The following SLIT3 variants were observed in gnomAD, a reference collection of about 807,000 sequenced individuals.
SLIT3 encodes slit homolog 3 protein.
In SLIT3, 68 loss-of-function variants were observed where a neutral mutation model predicts 184.0. That is an observed-to-expected ratio of 0.37 (90% CI 0.30 to 0.45). The LOEUF is 0.45. Ranked by LOEUF, SLIT3 falls within the 20% of genes least tolerant of loss-of-function variation. The pLI is 1.00. For missense variants in SLIT3, 1,707 were observed against 2,026.0 expected, an observed-to-expected ratio of 0.84 and a Z score of 3.02; for synonymous variants, 831 against 828.6, an observed-to-expected ratio of 1.00 and a Z score of -0.05.
chr5:169,253,749 C>A (rs1430426390), intron 1 of SLIT3, among the ~76,000 whole-genome samples: 1 of 152,166 alleles, frequency 6.6e-6, no homozygotes, highest in East Asian at 1.9e-4. Context: ...GCCCCATACC[C>A]CAAACTTTGT....
At chr5:168,979,057 C>T (rs1754863020) in intron 4 of SLIT3, among the ~76,000 whole-genome samples, 1 of 152,176 alleles carries the variant, frequency 6.6e-6, no homozygotes, top group Admixed American at 6.5e-5. Flanking sequence ...ATTGTCCTTC[C>T]TTTGGTTTCA....
intron 4 of SLIT3, among the ~76,000 whole-genome samples, chr5:169,162,474 G>A (rs557815843): frequency 6.6e-6 from 1 of 152,336 alleles, no homozygotes; most frequent in South Asian, 2.1e-4. Flanking sequence ...ACACAGTCAT[G>A]CAGGTCTTTG....
chr5:169,103,791 G>A (rs892226609), intron 4 of SLIT3, among the ~76,000 whole-genome samples: 1 of 152,164 alleles, frequency 6.6e-6, no homozygotes, highest in South Asian at 2.1e-4. Flanking sequence ...CTCAGGCTGG[G>A]GCTCGCCACC....
In SLIT3 at chr5:169,220,000, C is replaced by T. The variant is rs77850451; in HGVS notation, c.341+24705G>A. ...GCTACATGCCGGTGTCTTCAGCTCACGTCTGCTCACTCACACACGAGGTGA... is the reference window on the plus strand; with the variant it reads ...GCTACATGCCGGTGTCTTCAGCTCATGTCTGCTCACTCACACACGAGGTGA... On this transcript the variant is annotated intron_variant, in intron 3 of 35. Coordinates refer to ENST00000519560, the MANE Select transcript of SLIT3 (RefSeq NM_003062.4). 7.3e-3 allele frequency among the ~76,000 whole-genome samples: 1,115 copies of T among 152,278 alleles called. 5 individuals carry two copies. The highest frequency in any genetic ancestry group is 0.011 in the Non-Finnish European group (773 of 68,032).
chr5:168,875,591 G>A lies in SLIT3; in HGVS notation c.485+7674C>T, dbSNP rs146570446. Among the ~76,000 whole-genome samples, 160 of 151,890 alleles carry A rather than the reference G, an allele frequency of 1.1e-3. 2 individuals carry two copies. In the East Asian group the frequency reaches 0.023, roughly 22 times the overall value. On this transcript the variant is annotated intron_variant, in intron 5 of 35. Coordinates refer to ENST00000519560, the MANE Select transcript of SLIT3 (RefSeq NM_003062.4). ...GGAGGTTGCAGTGAGCCGAGATTGC[G>A]CCACTGCACCCCGGCCTGGGCAACA...
At chr5:168,709,727 A>G (rs1002073992) in intron 25 of SLIT3, among the ~76,000 whole-genome samples, 1 of 147,642 alleles carries the variant, frequency 6.8e-6, no homozygotes, top group Admixed American at 6.6e-5. Context: ...TAAGCCTCTC[A>G]GAGATGAGCA....
chr5:169,212,468 A>G (rs1277206213), intron 3 of SLIT3, among the ~76,000 whole-genome samples: 1 of 151,012 alleles, frequency 6.6e-6, no homozygotes, highest in East Asian at 2.0e-4. Context: ...TTGGGGTTGT[A>G]TGTTTTTTTT....
intron 4 of SLIT3, among the ~76,000 whole-genome samples, chr5:169,167,019 G>A (rs1467397880): frequency 6.6e-6 from 1 of 151,904 alleles, no homozygotes; most frequent in Non-Finnish European, 1.5e-5. Context: ...AACATTTTAA[G>A]ATTAGCCAGA....
chr5:168,807,040 C>T (rs1250094482), intron 8 of SLIT3, among the ~76,000 whole-genome samples: 1 of 152,182 alleles, frequency 6.6e-6, no homozygotes, highest in African/African-American at 2.4e-5. Context: ...CAGAATGTCC[C>T]CATTTGCGGC....
chr5:168,772,465 A>G (rs979590429), intron 14 of SLIT3: 3 of 371,260 alleles, frequency 8.1e-6, no homozygotes, highest in Non-Finnish European at 1.5e-5. Context: ...TAACAGGCAC[A>G]TGTGCAAAGG....
At chr5:168,981,249 T>C (rs1329343893) in intron 4 of SLIT3, among the ~76,000 whole-genome samples, 1 of 152,212 alleles carries the variant, frequency 6.6e-6, no homozygotes, top group Non-Finnish European at 1.5e-5. Flanking sequence ...TTCATTAATA[T>C]GCATTTGGCT....
At chr5:169,298,952 C>T (rs1015425141) in intron 1 of SLIT3, among the ~76,000 whole-genome samples, 6 of 152,212 alleles carry the variant, frequency 3.9e-5, no homozygotes, top group South Asian at 2.1e-4. Flanking sequence ...ACTGGTGTGA[C>T]GAGGAGGGGA....
intron 3 of SLIT3, among the ~76,000 whole-genome samples, chr5:169,226,604 C>G (rs1331020596): frequency 1.3e-5 from 2 of 152,126 alleles, no homozygotes; most frequent in Non-Finnish European, 2.9e-5. Context: ...TGAAATCAGA[C>G]AGTAGACACA....
At chr5:168,683,937 A>AG (rs1195605053) in intron 32 of SLIT3, 29 bp downstream of exon 32, 1 of 1,461,478 alleles carries the variant, frequency 6.8e-7, no homozygotes, top group East Asian at 2.6e-5. Flanking sequence ...AGGAACACAC[A>AG]GTGGGTCAGG....
intron 4 of SLIT3, among the ~76,000 whole-genome samples, chr5:169,065,309 C>T (rs1308226376): frequency 6.6e-6 from 1 of 152,136 alleles, no homozygotes; most frequent in Non-Finnish European, 1.5e-5. Flanking sequence ...TATCACACAG[C>T]CTGCTAGAAT....
rs373909008 is a variant in SLIT3, at chr5:169,224,956, T to G, written c.341+19749A>C. 7.2e-5 allele frequency among the ~76,000 whole-genome samples: 11 copies of G among 152,324 alleles called. No homozygotes were observed. The East Asian group carries it at 1.9e-3, about 27-fold the overall frequency. ...ATCTTGGCCTCCCGAAGTGCTGGGATTGCAGGAATGAGCCCCCACGTTTGG... is the reference window on the plus strand; with the variant it reads ...ATCTTGGCCTCCCGAAGTGCTGGGAGTGCAGGAATGAGCCCCCACGTTTGG... On this transcript the variant is annotated intron_variant, in intron 3 of 35. Coordinates refer to ENST00000519560, the MANE Select transcript of SLIT3 (RefSeq NM_003062.4).
At chr5:168,778,656 G>A (rs949204377) in intron 12 of SLIT3, among the ~76,000 whole-genome samples, 5 of 152,228 alleles carry the variant, frequency 3.3e-5, no homozygotes, top group African/African-American at 4.8e-5. Flanking sequence ...ACCGAATGCC[G>A]ACGTGGGAGC....
At chr5:168,802,969 G>A (rs1257973535) in intron 9 of SLIT3, among the ~76,000 whole-genome samples, 1 of 152,190 alleles carries the variant, frequency 6.6e-6, no homozygotes, top group Non-Finnish European at 1.5e-5. Context: ...GCCAAAGCTG[G>A]AATGTATGTC....
intron 27 of SLIT3, among the ~76,000 whole-genome samples, chr5:168,698,138 G>A (rs1029911124): frequency 1.3e-5 from 2 of 152,208 alleles, no homozygotes; most frequent in Non-Finnish European, 2.9e-5. Flanking sequence ...TTGTGAGCAG[G>A]CAATGCAGCA....
Sources: gnomAD v4.1 joint callset for allele counts (sites outside exome capture counted in the v4.1 genomes callset) on GRCh38, gnomAD v4.1.1 for gene constraint, MANE v1.5 for transcripts, NCBI Gene and HGNC (gene_info 2026-07-23, HGNC 2026-07-21) for gene names.